Variants in KCNK13 observed in about 807,000 individuals in gnomAD.
KCNK13 encodes potassium channel subfamily K member 13.
In KCNK13, 12 loss-of-function variants were observed where a neutral mutation model predicts 23.4. That is an observed-to-expected ratio of 0.51 (90% CI 0.33 to 0.83). The LOEUF is 0.83. Ranked by LOEUF, KCNK13 falls within the 40% of genes least tolerant of loss-of-function variation. The pLI, the probability that KCNK13 is intolerant of heterozygous loss-of-function variation, is 0.02. For missense variants in KCNK13, 463 were observed against 556.3 expected (o/e 0.83, Z 1.69); for synonymous variants, 231 against 229.5 (o/e 1.01, Z -0.06).
chr14:90,132,395 A>C (rs2140423377), intron 1 of KCNK13, among the ~76,000 whole-genome samples: 1 of 152,208 alleles, frequency 6.6e-6, no homozygotes, highest in South Asian at 2.1e-4. Context: ...AATACAAAAA[A>C]TTAGCCGGTG....
chr14:90,106,385 G>C (rs1291866968), intron 1 of KCNK13, among the ~76,000 whole-genome samples: 1 of 151,974 alleles, frequency 6.6e-6, no homozygotes, highest in Non-Finnish European at 1.5e-5. Flanking sequence ...GACCAGCCTG[G>C]CCAACATGGT....
rs182222318 is a variant in KCNK13 at position 90,154,490 on chromosome 14, C to T, written c.335-29621C>T. 2.6e-5 allele frequency among the ~76,000 whole-genome samples: 4 copies of T among 152,298 alleles called. 1 individual carries two copies. In the East Asian group the frequency reaches 7.7e-4, roughly 29 times the overall value. ...CTCTACTACCCACAATGCTTGCTCT[C>T]TTACCCACAATGCTATGCTCTTTAC... On this transcript the variant is annotated intron_variant, in intron 1 of 1. Coordinates refer to ENST00000282146, the MANE Select transcript of KCNK13 (RefSeq NM_022054.4).
At chr14:90,066,138 ATTTT>A (rs35664886) in intron 1 of KCNK13, among the ~76,000 whole-genome samples, 10 of 135,894 alleles carry the variant, frequency 7.4e-5, no homozygotes, top group Non-Finnish European at 8.0e-5. Flanking sequence ...TAATTTTTGT[ATTTT>A]TTTTTTTTTT....
At chr14:90,118,707 T>A (rs1012217189) in intron 1 of KCNK13, among the ~76,000 whole-genome samples, 1 of 152,122 alleles carries the variant, frequency 6.6e-6, no homozygotes, top group Non-Finnish European at 1.5e-5. Flanking sequence ...ACATCTTACA[T>A]CCCCACGGGA....
At chr14:90,104,325 C>T (rs980792308) in intron 1 of KCNK13, among the ~76,000 whole-genome samples, 1 of 152,158 alleles carries the variant, frequency 6.6e-6, no homozygotes, top group East Asian at 1.9e-4. Flanking sequence ...TGGGCCTTCT[C>T]TCCAGACCCC....
intron 1 of KCNK13, among the ~76,000 whole-genome samples, chr14:90,144,512 T>TTTTTG (rs1890051602): frequency 6.8e-6 from 1 of 146,498 alleles, no homozygotes; most frequent in East Asian, 2.0e-4. Flanking sequence ...TTTTTTTTTT[T>TTTTTG]GTGAGATAGA....
intron 1 of KCNK13, among the ~76,000 whole-genome samples, chr14:90,098,136 C>T (rs1166185827): frequency 6.6e-6 from 1 of 152,200 alleles, no homozygotes; most frequent in African/African-American, 2.4e-5. Flanking sequence ...GTGGGTTCCT[C>T]ATAGACTTTA....
intron 1 of KCNK13, among the ~76,000 whole-genome samples, chr14:90,085,777 T>A (rs1489750212): frequency 5.8e-5 from 6 of 104,138 alleles, no homozygotes; most frequent in Admixed American, 3.3e-4. Context: ...AAATTATATA[T>A]ATTATATATT....
At chr14:90,124,015 C>G (rs1889768614) in intron 1 of KCNK13, among the ~76,000 whole-genome samples, 1 of 152,156 alleles carries the variant, frequency 6.6e-6, no homozygotes, top group Non-Finnish European at 1.5e-5. Flanking sequence ...CTAATATGTA[C>G]CCAGGACCAA....
intron 1 of KCNK13, among the ~76,000 whole-genome samples, chr14:90,078,907 C>T (rs1889175048): frequency 6.6e-6 from 1 of 152,192 alleles, no homozygotes; most frequent in African/African-American, 2.4e-5. Context: ...GTCCACACAG[C>T]TGTTAAGGAA....
Position 90,062,210 on chromosome 14 carries a change from C to T in KCNK13, c.5C>T (p.Ala2Val). ...GCTGCCCCCGGGGGCCCGGCCATGG[C>T]TGGCCGGGGTTTCAGCTGGGGCCCG... M[A>V]GRGFSWGPGH... is the part of the protein sequence containing the mutation. Residue 2 changes from alanine (A) to valine (V), a missense_variant, in exon 1 of 2, where the codon GCT (alanine) becomes GTT (valine). Coordinates refer to ENST00000282146, the MANE Select transcript of KCNK13 (RefSeq NM_022054.4). The surrounding 1 kb of genome is among the most constrained non-coding windows in gnomAD (Gnocchi z 4.5). The T allele has an allele frequency of 2.6e-6, 3 of 1,155,468 alleles. No individual in the cohort carries two copies. The highest frequency in any genetic ancestry group is 3.4e-6 in the Non-Finnish European group (3 of 878,356). The allele number at this position is 1,155,468 out of a possible 1,614,324, so 71.6% of individuals were successfully genotyped here.
intron 1 of KCNK13, among the ~76,000 whole-genome samples, chr14:90,174,039 G>T (rs1197562954): frequency 6.6e-6 from 1 of 152,124 alleles, no homozygotes; most frequent in Non-Finnish European, 1.5e-5. Context: ...AGGCGCAGTG[G>T]CTCATGCCTG....
In KCNK13 at chr14:90,184,827, G is replaced by A; in HGVS notation, c.1051G>A (p.Asp351Asn). 1.2e-6 allele frequency: 2 copies of A among 1,613,810 alleles called. No homozygotes were observed. The highest frequency in any genetic ancestry group is 1.7e-6 in the Non-Finnish European group (2 of 1,179,870). ...CTCAGGGGAGATGATCTCCATGAAG[G>A]ACTTGCTGGCAGCCAACAAGGCCTC... ...RLSGEMISMK[D>N]LLAANKASLA... Residue 351 changes from aspartate to asparagine, a missense_variant, in exon 2 of 2, where the codon GAC becomes AAC. Physicochemically the swap from Asp to Asn is conservative, Grantham distance 23. This residue lies in a region of KCNK13 where 166 missense variants were observed against 178.8 expected (regional missense o/e 0.93). Transcript: ENST00000282146. This position sits in a 1 kb window ranked among gnomAD's most constrained non-coding sequence, Gnocchi z 5.6.
At chr14:90,087,145 TATATATA>T (rs1414468052) in intron 1 of KCNK13, among the ~76,000 whole-genome samples, 2 of 115,994 alleles carry the variant, frequency 1.7e-5, no homozygotes, top group African/African-American at 7.1e-5. Context: ...TATATATATA[TATATATA>T]TATTTTTTTT....
At chr14:90,118,297 A>G (rs1464509791) in intron 1 of KCNK13, among the ~76,000 whole-genome samples, 1 of 152,214 alleles carries the variant, frequency 6.6e-6, no homozygotes, top group East Asian at 1.9e-4. Flanking sequence ...TCTCCAACCC[A>G]GGCATCTCTG....
At chr14:90,108,709 G>A (rs944311091) in intron 1 of KCNK13, among the ~76,000 whole-genome samples, 7 of 152,198 alleles carry the variant, frequency 4.6e-5, no homozygotes, top group Admixed American at 1.3e-4. Context: ...GGCTGTGGTC[G>A]TGTAGAACAC....
chr14:90,149,044 G>A (rs1363379508), intron 1 of KCNK13, among the ~76,000 whole-genome samples: 1 of 152,162 alleles, frequency 6.6e-6, no homozygotes, highest in African/African-American at 2.4e-5. Flanking sequence ...AAATACCTAA[G>A]ACTGGGTAAT....
intron 1 of KCNK13, among the ~76,000 whole-genome samples, chr14:90,134,099 T>A (rs1011526196): frequency 6.6e-5 from 10 of 152,116 alleles, no homozygotes; most frequent in Non-Finnish European, 1.5e-4. Flanking sequence ...CTGCTTGTGG[T>A]CCCAGTTACT....
intron 1 of KCNK13, among the ~76,000 whole-genome samples, chr14:90,092,071 G>A (rs567717383): frequency 1.6e-3 from 244 of 151,676 alleles, no homozygotes; most frequent in African/African-American, 5.4e-3. Flanking sequence ...ACAGGTGCCC[G>A]CCACCACACC....
Sources: gnomAD v4.1 joint callset for allele counts (sites outside exome capture counted in the v4.1 genomes callset) on GRCh38, gnomAD v4.1.1 for gene constraint, gnomAD v4.1.1 regional missense constraint, Gnocchi (gnomAD v3.1) non-coding constraint, MANE v1.5 for transcripts, NCBI Gene and HGNC (gene_info 2026-07-23, HGNC 2026-07-21) for gene names.